Variants in MPRIP observed in about 807,000 individuals in gnomAD.
The protein encoded by MPRIP is myosin phosphatase Rho-interacting protein.
In MPRIP, 59 loss-of-function variants were observed where a neutral mutation model predicts 234.9. That is an observed-to-expected ratio of 0.25 (90% CI 0.20 to 0.31). The LOEUF (loss-of-function observed/expected upper bound fraction) is 0.31, where lower values mean the gene tolerates loss of function less well. Ranked by LOEUF, MPRIP falls within the 10% of genes least tolerant of loss-of-function variation. MPRIP has a pLI of 1.00. For synonymous variants in MPRIP, 1,144 were observed against 1,263.9 expected (o/e 0.91, Z 2.01); for missense variants, 2,436 against 3,071.0 (o/e 0.79, Z 4.89).
At chr17:17,046,544 A>G (rs2088358682) in intron 1 of MPRIP, among the ~76,000 whole-genome samples, 1 of 152,166 alleles carries the variant, frequency 6.6e-6, no homozygotes, top group African/African-American at 2.4e-5. Flanking sequence ...AAATGATTTA[A>G]TTCTCTAATA....
rs140898492 is a variant in MPRIP at position 17,079,466 on chromosome 17, G to A, written c.267+1390G>A. Among the ~76,000 whole-genome samples the A allele has an allele frequency of 1.7e-3, 255 of 152,354 alleles. 1 individual carries two copies. The highest frequency in any genetic ancestry group is 6.8e-3 in the Middle Eastern group (2 of 294). On this transcript the variant is annotated intron_variant, in intron 3 of 23. Transcript: ENST00000651222. ...TTGAGGCAAGAAAGCAGACCTGGAGGATTAGACTTCACACTTCGTGTTCTC... is the reference window on the plus strand; with the variant it reads ...TTGAGGCAAGAAAGCAGACCTGGAGAATTAGACTTCACACTTCGTGTTCTC...
chr17:17,075,945 C>A, intron 2 of MPRIP, 158 bp downstream of exon 2: 1 of 652,008 alleles, frequency 1.5e-6, no homozygotes, highest in Non-Finnish European at 2.7e-6. Flanking sequence ...GTACGTTGTA[C>A]AGAAAAGGTC....
chr17:17,109,496 C>T (rs1253029186), intron 3 of MPRIP, among the ~76,000 whole-genome samples: 1 of 152,206 alleles, frequency 6.6e-6, no homozygotes, highest in African/African-American at 2.4e-5. Flanking sequence ...GGGAAGGAGG[C>T]TAGACTGATC....
Position 17,137,232 on chromosome 17 carries a change from G to C in MPRIP, c.737-684G>C, listed in dbSNP as rs184582154. Among the ~76,000 whole-genome samples, 303 of 152,278 alleles carry C rather than the reference G, an allele frequency of 2.0e-3. 6 individuals carry two copies. In the East Asian group the frequency reaches 0.048, roughly 24 times the overall value. On this transcript the variant is annotated intron_variant, in intron 6 of 23. Transcript: ENST00000651222. Reference sequence around the variant, plus strand: ...CCAGAATGCATTAAAAGACTGAAGGGGCCGGGCATGGTGGCTCACGCCTAT... The same window carrying C: ...CCAGAATGCATTAAAAGACTGAAGGCGCCGGGCATGGTGGCTCACGCCTAT...
intron 1 of MPRIP, among the ~76,000 whole-genome samples, chr17:17,059,950 T>C (rs2088822140): frequency 6.6e-6 from 1 of 152,186 alleles, no homozygotes; most frequent in Non-Finnish European, 1.5e-5. Flanking sequence ...TAAATTACGT[T>C]GAGCACCTTA....
chr17:17,180,590 GCT>G (rs765694654), intron 23 of MPRIP: 1 of 1,611,028 alleles, frequency 6.2e-7, no homozygotes. Context: ...TCTCATGTCT[GCT>G]CTCTCCTCTG....
intron 1 of MPRIP, among the ~76,000 whole-genome samples, chr17:17,052,602 A>G (rs1467487235): frequency 3.3e-5 from 5 of 152,132 alleles, no homozygotes; most frequent in Non-Finnish European, 7.3e-5. Context: ...AACCTTTGCT[A>G]TCAGGAACAG....
chr17:17,043,901 T>A (rs937538518), intron 1 of MPRIP, among the ~76,000 whole-genome samples: 1 of 152,184 alleles, frequency 6.6e-6, no homozygotes, highest in African/African-American at 2.4e-5. Flanking sequence ...CTCAGCCTCC[T>A]GAATGAAGCC....
chr17:17,173,036 C>T (rs1354797429), intron 18 of MPRIP, among the ~76,000 whole-genome samples: 8 of 152,234 alleles, frequency 5.3e-5, no homozygotes, highest in African/African-American at 9.6e-5. Flanking sequence ...ATGCCAAGAA[C>T]GAGATGTAAC....
intron 3 of MPRIP, among the ~76,000 whole-genome samples, chr17:17,118,463 G>A (rs566810436): frequency 4.6e-5 from 7 of 152,326 alleles, no homozygotes; most frequent in Non-Finnish European, 8.8e-5. Context: ...GATAGGACCT[G>A]GAATCAGACC....
At chr17:17,043,995 A>G (rs1164580508) in intron 1 of MPRIP, among the ~76,000 whole-genome samples, 1 of 152,148 alleles carries the variant, frequency 6.6e-6, no homozygotes, top group Non-Finnish European at 1.5e-5. Context: ...ACTGAAAACG[A>G]GTGAACGGGC....
intron 3 of MPRIP, among the ~76,000 whole-genome samples, chr17:17,112,675 G>A (rs1374777687): frequency 6.6e-6 from 1 of 152,242 alleles, no homozygotes; most frequent in Admixed American, 6.5e-5. Context: ...CCCCTTTAAG[G>A]GGAGCCCAGC....
At chr17:17,154,784 T>A (rs1201952031) in intron 13 of MPRIP, among the ~76,000 whole-genome samples, 25 of 152,226 alleles carry the variant, frequency 1.6e-4, no homozygotes, top group Non-Finnish European at 2.1e-4. Flanking sequence ...TGGCCCCATG[T>A]GCGGCATCCA....
intron 3 of MPRIP, among the ~76,000 whole-genome samples, chr17:17,082,306 T>TTTTC (rs1233200334): frequency 6.9e-6 from 1 of 144,034 alleles, no homozygotes; most frequent in African/African-American, 2.6e-5. Context: ...TTTTTTTTTT[T>TTTTC]TTTTTTGAGA....
intron 16 of MPRIP, chr17:17,168,487 C>G (rs182244461): frequency 2.1e-5 from 6 of 287,470 alleles, no homozygotes; most frequent in African/African-American, 8.8e-5. Context: ...AGCACAGCCT[C>G]CAGCCACTCC....
At chr17:17,117,040 G>C (rs965393524) in intron 3 of MPRIP, among the ~76,000 whole-genome samples, 1 of 152,060 alleles carries the variant, frequency 6.6e-6, no homozygotes, top group Non-Finnish European at 1.5e-5. Context: ...TGCAGAAGAC[G>C]GTGGCCCATG....
intron 23 of MPRIP, 48 bp downstream of exon 23, chr17:17,180,136 G>A (rs1410624729): frequency 7.0e-7 from 1 of 1,436,722 alleles, no homozygotes; most frequent in African/African-American, 1.4e-5. Context: ...GAGGGACACT[G>A]GGGAGAGTAG....
intron 1 of MPRIP, 67 bp downstream of exon 1, chr17:17,043,038 C>T: frequency 3.4e-6 from 5 of 1,477,572 alleles, no homozygotes; most frequent in Non-Finnish European, 4.7e-6. Flanking sequence ...CGGGGCGCCG[C>T]CAAGGGCTGC....
intron 14 of MPRIP, 94 bp from the exon 15 acceptor site, chr17:17,161,146 G>A: frequency 1.2e-6 from 1 of 810,500 alleles, no homozygotes; most frequent in Non-Finnish European, 1.9e-6. Flanking sequence ...AAACTCTTGG[G>A]CCACATGGAA....
Sources: allele counts gnomAD v4.1 joint callset (sites outside exome capture counted in the v4.1 genomes callset), GRCh38; gene constraint gnomAD v4.1.1; transcripts MANE v1.5; gene names NCBI Gene and HGNC (gene_info 2026-07-23, HGNC 2026-07-21).